HAUS6: variants seen among roughly 807,000 people sequenced by gnomAD.
HAUS6 encodes HAUS augmin like complex subunit 6.
In HAUS6, 80 loss-of-function variants were observed where a neutral mutation model predicts 106.8. The ratio of observed to expected loss-of-function variants is 0.75; its 90% CI spans 0.63 to 0.90. The LOEUF is 0.90. Ranked by LOEUF, HAUS6 falls within the 40% of genes least tolerant of loss-of-function variation. The pLI, the probability that HAUS6 is intolerant of heterozygous loss-of-function variation, is 0.00. For synonymous variants in HAUS6, 356 were observed against 379.1 expected, an observed-to-expected ratio of 0.94 and a Z score of 0.71; for missense variants, 1,155 against 1,118.1, an observed-to-expected ratio of 1.03 and a Z score of -0.47.
At chr9:19,070,742 G>A (rs1836866677) in intron 11 of HAUS6, among the ~76,000 whole-genome samples, 1 of 152,186 alleles carries the variant, frequency 6.6e-6, no homozygotes, top group Non-Finnish European at 1.5e-5. Flanking sequence ...AACAATGGAA[G>A]AAAGAAATGA....
chr9:19,088,308 C>A (rs10113939), intron 5 of HAUS6, among the ~76,000 whole-genome samples: 23,493 of 150,770 alleles, frequency 0.16, 2,311 homozygotes, highest in African/African-American at 0.29. Flanking sequence ...CCCAATTACT[C>A]GGGAGGCTGA....
At chr9:19,088,628 G>A (rs1322682455) in intron 5 of HAUS6, among the ~76,000 whole-genome samples, 1 of 151,804 alleles carries the variant, frequency 6.6e-6, no homozygotes, top group Admixed American at 6.6e-5. Flanking sequence ...AGCACTTTGG[G>A]AGGCCAAGGC....
intron 8 of HAUS6, among the ~76,000 whole-genome samples, chr9:19,081,664 C>G (rs973127544): frequency 2.6e-5 from 4 of 152,010 alleles, no homozygotes; most frequent in African/African-American, 9.7e-5. Context: ...GGTCTCAATA[C>G]CTGACCGCAA....
At chr9:19,096,829 T>C in intron 1 of HAUS6, 60 bp from the exon 2 acceptor site, 1 of 773,410 alleles carries the variant, frequency 1.3e-6, no homozygotes, top group Non-Finnish European at 2.1e-6. Flanking sequence ...CTAAACATCA[T>C]CAAAAGCTGA....
chr9:19,100,816 C>T (rs1320734778), intron 1 of HAUS6, among the ~76,000 whole-genome samples: 1 of 152,124 alleles, frequency 6.6e-6, no homozygotes, highest in African/African-American at 2.4e-5. Context: ...AGGTCATTAT[C>T]TTAAGTAAAA....
At chr9:19,096,305 C>T (rs1333557601) in intron 2 of HAUS6, among the ~76,000 whole-genome samples, 1 of 152,104 alleles carries the variant, frequency 6.6e-6, no homozygotes, top group Non-Finnish European at 1.5e-5. Context: ...TGGCTCACGC[C>T]TGTAATCACA....
chr9:19,057,058 C>T (rs1351235723), intron 16 of HAUS6: 3 of 152,164 alleles, frequency 2.0e-5, no homozygotes, highest in Non-Finnish European at 4.4e-5. Context: ...GTGAAGAGAA[C>T]TGTGATTAAC....
intron 4 of HAUS6, among the ~76,000 whole-genome samples, chr9:19,091,319 C>T (rs997593799): frequency 6.7e-6 from 1 of 148,998 alleles, no homozygotes; most frequent in Admixed American, 6.7e-5. Context: ...AAAAAAGAAA[C>T]CACCAAAATT....
chr9:19,092,220 G>A (rs1174649607), intron 4 of HAUS6, among the ~76,000 whole-genome samples: 1 of 151,832 alleles, frequency 6.6e-6, no homozygotes, highest in African/African-American at 2.4e-5. Flanking sequence ...ACTTTAGGAG[G>A]CCAAGGCAGG....
chr9:19,063,865 C>A (rs1176061092), intron 12 of HAUS6: 1 of 565,400 alleles, frequency 1.8e-6, no homozygotes, highest in East Asian at 3.9e-5. Flanking sequence ...ATGAATACTC[C>A]ACAACTTGAA....
At chr9:19,093,355 T>A in intron 3 of HAUS6, 52 bp from the exon 4 acceptor site, 1 of 1,419,968 alleles carries the variant, frequency 7.0e-7, no homozygotes, top group Non-Finnish European at 9.8e-7. Flanking sequence ...CAATAACTCT[T>A]ACATTTACAT....
At chr9:19,089,191 C>T (rs1302697172) in intron 5 of HAUS6, among the ~76,000 whole-genome samples, 2 of 151,782 alleles carry the variant, frequency 1.3e-5, no homozygotes, top group African/African-American at 2.4e-5. Flanking sequence ...TGCAGTGAGC[C>T]GACATCGCGC....
At chr9:19,086,986 G>A (rs1837311603) in intron 6 of HAUS6, 105 bp downstream of exon 6, 4 of 677,636 alleles carry the variant, frequency 5.9e-6, no homozygotes, top group Non-Finnish European at 1.1e-5. Context: ...TCTGGCTATT[G>A]ATATATTATT....
chr9:19,098,106 A>T (rs113432703), intron 1 of HAUS6, among the ~76,000 whole-genome samples: 11 of 152,302 alleles, frequency 7.2e-5, no homozygotes, highest in African/African-American at 2.4e-4. Flanking sequence ...TGTAATTTGT[A>T]ATAAGATATT....
rs1836409428 is a variant in HAUS6, at chr9:19,053,775, G to A, written c.*2568C>T. ...TAGCCCTCTTTACCATTTATTCCAT[G>A]ATATAGGAGGCAAACAAAACAATTC... On this transcript the variant is annotated 3_prime_UTR_variant, in exon 17 of 17. Transcript: ENST00000380502. 6.6e-6 allele frequency: 1 copy of A among 152,052 alleles called. No homozygotes were observed. Among genetic ancestry groups the A allele is most frequent in the Non-Finnish European group, 1.5e-5 (1 of 67,988 alleles). 9.4% of individuals were successfully genotyped at this position (152,052 alleles called of 1,614,324 possible).
chr9:19,102,236 C>T (rs1818003995), intron 1 of HAUS6, among the ~76,000 whole-genome samples: 1 of 152,186 alleles, frequency 6.6e-6, no homozygotes, highest in Non-Finnish European at 1.5e-5. Context: ...ACAGACCACC[C>T]CTCCACCACA....
In HAUS6 at chr9:19,058,609, T is replaced by C. The variant is rs1588592827; in HGVS notation, c.2158A>G (p.Asn720Asp). ...CTGCCACCCATCACATCTATCCTAT[T>C]GCCGACAGCAGGGGAGAATGTCTCC... is the stretch of plus-strand genomic sequence containing the variant. ...RMETFSPAVG[N>D]RIDVMGGSEE... is the part of the protein sequence containing the mutation. Residue 720 changes from asparagine (N) to aspartate (D), a missense_variant, in exon 16 of 17, where the codon AAT becomes GAT. Transcript: ENST00000380502. 6.2e-7 allele frequency: 1 copy of C among 1,605,880 alleles called. No homozygotes were observed.
rs1182275134 is a variant in HAUS6 at position 19,058,257 on chromosome 9, T to G, written c.2510A>C (p.Tyr837Ser). ...GGAAAGAGATTTCTTCAGAGCCTCGTATCTACTGCGAAGAGCCTGTAAATT... is the reference window on the plus strand; with the variant it reads ...GGAAAGAGATTTCTTCAGAGCCTCGGATCTACTGCGAAGAGCCTGTAAATT... ...DFNLQALRSR[Y>S]EALKKSLSKK... is the part of the protein sequence containing the mutation. Residue 837 changes from tyrosine to serine, a missense_variant, in exon 16 of 17, where the codon TAC becomes TCC. Tyr to Ser is a moderately radical substitution (Grantham distance 144, BLOSUM62 -2). Around this residue, in one of 3 missense-constraint regions of HAUS6, gnomAD observed 380 missense variants for 394.8 expected, o/e 0.96. Coordinates refer to ENST00000380502, the MANE Select transcript of HAUS6 (RefSeq NM_017645.5). The G allele has an allele frequency of 6.2e-7, 1 of 1,613,834 alleles. No homozygotes were observed. The highest frequency in any genetic ancestry group is 8.5e-7 in the Non-Finnish European group (1 of 1,179,846).
rs1341334270 is a variant in HAUS6, at chr9:19,058,048, G to C, written c.2719C>G (p.Leu907Val). 6.2e-7 allele frequency: 1 copy of C among 1,613,236 alleles called. No homozygotes were observed. The highest frequency in any genetic ancestry group is 2.2e-5 in the East Asian group (1 of 44,882). ...RTSIGERKRS[L>V]SPLIKFSPVE... ...GGAGAAAACTTAATTAGTGGTGAAAGAGACCGTTTTCTTTCACCGATGGAC... is the reference window on the plus strand; with the variant it reads ...GGAGAAAACTTAATTAGTGGTGAAACAGACCGTTTTCTTTCACCGATGGAC... Residue 907 changes from leucine to valine, a missense_variant, in exon 16 of 17, where the codon CTT becomes GTT. By Grantham distance (32) the Leu-to-Val change is conservative. Coordinates refer to ENST00000380502, the MANE Select transcript of HAUS6 (RefSeq NM_017645.5).
Sources: gnomAD v4.1 joint callset for allele counts (sites outside exome capture counted in the v4.1 genomes callset) on GRCh38, gnomAD v4.1.1 for gene constraint, gnomAD v4.1.1 regional missense constraint, MANE v1.5 for transcripts, NCBI Gene and HGNC (gene_info 2026-07-23, HGNC 2026-07-21) for gene names.